Variants in NTM observed in about 807,000 individuals in gnomAD.
The protein encoded by NTM is IgLON family member 2.
NTM carries 13 observed loss-of-function variants against 42.1 expected under a neutral mutation model. The ratio of observed to expected loss-of-function variants is 0.31; its 90% CI spans 0.20 to 0.49. The LOEUF is 0.49. Among genes scored for constraint, NTM ranks in the 20% least tolerant of loss-of-function variants. NTM has a pLI of 0.99. For missense variants in NTM, 373 were observed against 452.8 expected (o/e 0.82, Z 1.60); for synonymous variants, 187 against 179.2 (o/e 1.04, Z -0.35).
intron 1 of NTM, among the ~76,000 whole-genome samples, chr11:131,810,676 C>A (rs377387993): frequency 6.6e-6 from 1 of 152,182 alleles, no homozygotes; most frequent in East Asian, 1.9e-4. Context: ...ATGATCCAGG[C>A]TGCTTCCCCT....
At chr11:131,579,073 G>T (rs1436656595) in intron 1 of NTM, among the ~76,000 whole-genome samples, 1 of 152,202 alleles carries the variant, frequency 6.6e-6, no homozygotes, top group African/African-American at 2.4e-5. Context: ...GGGAGCTTGA[G>T]GTGTTGGGCT....
At chr11:131,451,361 T>C (rs1950473923) in intron 1 of NTM, among the ~76,000 whole-genome samples, 1 of 152,278 alleles carries the variant, frequency 6.6e-6, no homozygotes, top group South Asian at 2.1e-4. Context: ...TACAGATAAT[T>C]AGAAAAGAAG....
chr11:131,654,623 G>A (rs1202467624), intron 1 of NTM, among the ~76,000 whole-genome samples: 1 of 152,124 alleles, frequency 6.6e-6, no homozygotes. Flanking sequence ...TAATGGGAGC[G>A]GATTCTTCGT....
At chr11:131,637,680 C>T (rs2064581698) in intron 1 of NTM, among the ~76,000 whole-genome samples, 2 of 151,950 alleles carry the variant, frequency 1.3e-5, no homozygotes, top group Admixed American at 6.6e-5. Context: ...TCACCACCAA[C>T]CGTCTTTCCA....
intron 1 of NTM, among the ~76,000 whole-genome samples, chr11:131,890,419 C>G (rs565358228): frequency 1.3e-5 from 2 of 152,312 alleles, no homozygotes; most frequent in African/African-American, 2.4e-5. Context: ...GTAATAACCA[C>G]CAGCAGCCTG....
chr11:131,424,830 A>G (rs1342376153), intron 1 of NTM, among the ~76,000 whole-genome samples: 3 of 149,364 alleles, frequency 2.0e-5, no homozygotes, highest in Admixed American at 6.7e-5. Context: ...TGGCCTCCCA[A>G]AGTGCTGGGA....
intron 4 of NTM, among the ~76,000 whole-genome samples, chr11:132,290,487 G>A (rs1308227661): frequency 2.6e-5 from 4 of 152,118 alleles, no homozygotes; most frequent in Non-Finnish European, 4.4e-5. Context: ...GATACTGAGC[G>A]TATTGTTTTA....
chr11:132,167,052 TA>T (rs1566357519), intron 3 of NTM, among the ~76,000 whole-genome samples: 1 of 152,324 alleles, frequency 6.6e-6, no homozygotes, highest in African/African-American at 2.4e-5. Context: ...TTATTCTACT[TA>T]AAAAAGATAC....
At chr11:131,553,203 C>T (rs2054941539) in intron 1 of NTM, among the ~76,000 whole-genome samples, 1 of 151,868 alleles carries the variant, frequency 6.6e-6, no homozygotes, top group Admixed American at 6.6e-5. Context: ...TGGGAGCTGG[C>T]AATATTCTAT....
intron 3 of NTM, among the ~76,000 whole-genome samples, chr11:132,211,279 G>T (rs2082786952): frequency 6.6e-6 from 1 of 152,182 alleles, no homozygotes; most frequent in Non-Finnish European, 1.5e-5. Context: ...GGCGGCACAT[G>T]CCTGCAGTCC....
In NTM at chr11:131,370,710, C is replaced by T; in HGVS notation, c.-97C>T. 9.5e-7 allele frequency: 1 copy of T among 1,048,990 alleles called. No individual in the cohort carries two copies. The highest frequency in any genetic ancestry group is 1.4e-6 in the Non-Finnish European group (1 of 711,432). The allele number at this position is 1,048,990 out of a possible 1,614,324, so 65.0% of individuals were successfully genotyped here. On this transcript the variant is annotated 5_prime_UTR_variant, in exon 1 of 9. Transcript: ENST00000683400. Reference sequence around the variant, plus strand: ...CAGCAAAACAGTGGATTTAAATCTCCTTGCACAAGCTTGAGAGCAACACAA... The same window carrying T: ...CAGCAAAACAGTGGATTTAAATCTCTTTGCACAAGCTTGAGAGCAACACAA...
At chr11:131,456,186 T>C (rs1163114306) in intron 1 of NTM, among the ~76,000 whole-genome samples, 1 of 152,148 alleles carries the variant, frequency 6.6e-6, no homozygotes, top group Non-Finnish European at 1.5e-5. Context: ...TGAGTGACAA[T>C]GGTAGGTAAA....
At chr11:131,698,621 T>C (rs2075739369) in intron 1 of NTM, among the ~76,000 whole-genome samples, 1 of 152,138 alleles carries the variant, frequency 6.6e-6, no homozygotes, top group Non-Finnish European at 1.5e-5. Context: ...ATAAGAGGAC[T>C]AGGAGAAAGC....
At chr11:132,154,887 G>A (rs1052297611) in intron 3 of NTM, among the ~76,000 whole-genome samples, 2 of 152,154 alleles carry the variant, frequency 1.3e-5, no homozygotes, top group Non-Finnish European at 2.9e-5. Flanking sequence ...TGGAGTTTTT[G>A]GAGCACCACA....
intron 1 of NTM, among the ~76,000 whole-genome samples, chr11:131,900,668 A>AG (rs2053018979): frequency 3.9e-5 from 6 of 151,938 alleles, no homozygotes; most frequent in African/African-American, 1.5e-4. Context: ...AGAGAGAGAG[A>AG]AAGAGAGAGA....
In NTM at chr11:131,688,174, C is replaced by T. The variant is rs1011781694; in HGVS notation, c.83-223390C>T. On this transcript the variant is annotated intron_variant, in intron 1 of 8. Transcript: ENST00000683400. ...GCTCCCCAGAACGGCCACCGGAGGG[C>T]ACCCGCGCCCCCCGAGCCGCGAGGC... Among the ~76,000 whole-genome samples, 12 of 152,248 alleles carry T rather than the reference C, an allele frequency of 7.9e-5. No homozygotes were observed. The East Asian group carries it at 1.4e-3, about 17-fold the overall frequency.
intron 2 of NTM, among the ~76,000 whole-genome samples, chr11:132,049,785 G>A (rs1290306710): frequency 6.6e-6 from 1 of 152,174 alleles, no homozygotes; most frequent in Non-Finnish European, 1.5e-5. Context: ...GGACATTTCA[G>A]TCTAGCTCAG....
chr11:132,014,736 GTT>G (rs146527050), intron 2 of NTM, among the ~76,000 whole-genome samples: 9,176 of 83,906 alleles, frequency 0.11, 361 homozygotes, highest in Middle Eastern at 0.21. Flanking sequence ...AGAATTACTT[GTT>G]TTTTTTTTTT....
At chr11:131,444,321 C>G (rs1008648538) in intron 1 of NTM, among the ~76,000 whole-genome samples, 1 of 150,758 alleles carries the variant, frequency 6.6e-6, no homozygotes. Context: ...TATAAAAGTC[C>G]AAGGAGTGCG....
Sources: gnomAD v4.1 joint callset for allele counts (sites outside exome capture counted in the v4.1 genomes callset) on GRCh38, gnomAD v4.1.1 for gene constraint, MANE v1.5 for transcripts, NCBI Gene and HGNC (gene_info 2026-07-23, HGNC 2026-07-21) for gene names.